Variants in SETD5 observed in about 807,000 individuals in gnomAD.
SETD5 encodes the protein SET domain containing 5.
Under a neutral mutation model 153.3 loss-of-function variants are expected in SETD5, and 44 were observed. The ratio of observed to expected loss-of-function variants is 0.29; its 90% confidence interval spans 0.23 to 0.37. The LOEUF is 0.37. Ranked by LOEUF, SETD5 falls within the 10% of genes least tolerant of loss-of-function variation. The pLI is 1.00. For synonymous variants in SETD5, 716 were observed against 645.2 expected, an observed-to-expected ratio of 1.11 and a Z score of -1.66; for missense variants, 1,544 against 1,768.0, an observed-to-expected ratio of 0.87 and a Z score of 2.27.
In SETD5 at chr3:9,447,930, G is replaced by C; in HGVS notation, c.2027G>C (p.Gly676Ala). 6.2e-7 allele frequency: 1 copy of C among 1,613,770 alleles called. No homozygotes were observed. The highest frequency in any genetic ancestry group is 8.5e-7 in the Non-Finnish European group (1 of 1,179,846). The part of the protein sequence containing the change: ...DSSGENRPLT[G>A]SDPTVVSITG... Reference sequence around the variant, plus strand: ...TCAGGAGAAAACAGGCCATTAACAGGGTCTGACCCAACTGTGGTGTCAATT... The same window carrying C: ...TCAGGAGAAAACAGGCCATTAACAGCGTCTGACCCAACTGTGGTGTCAATT... Residue 676 changes from glycine (G) to alanine (A), a missense_variant, in exon 15 of 23, where the codon GGG becomes GCG. Around this residue, in one of 9 missense-constraint regions of SETD5, gnomAD observed 782 missense variants for 787.2 expected, o/e 0.99. Coordinates refer to ENST00000402198, the MANE Select transcript of SETD5 (RefSeq NM_001080517.3).
At chr3:9,427,656 A>C (rs1040307785) in intron 2 of SETD5, among the ~76,000 whole-genome samples, 5 of 152,166 alleles carry the variant, frequency 3.3e-5, no homozygotes, top group African/African-American at 1.2e-4. Flanking sequence ...CTAATGTCTT[A>C]TTATGAATCA....
chr3:9,438,650 A>G (rs993906847), intron 7 of SETD5, among the ~76,000 whole-genome samples: 2 of 152,230 alleles, frequency 1.3e-5, no homozygotes, highest in Non-Finnish European at 2.9e-5. Flanking sequence ...ATTAGAAAAA[A>G]TTATCATTTG....
intron 13 of SETD5, among the ~76,000 whole-genome samples, chr3:9,446,247 A>G (rs1365116373): frequency 1.5e-5 from 2 of 135,796 alleles, no homozygotes; most frequent in African/African-American, 2.8e-5. Context: ...AGATAGCGCC[A>G]CTGCACTCCG....
chr3:9,472,403 G>A (rs1016697217), intron 19 of SETD5, among the ~76,000 whole-genome samples: 2 of 152,132 alleles, frequency 1.3e-5, no homozygotes, highest in African/African-American at 4.8e-5. Flanking sequence ...ACTAGGCAGG[G>A]CACGGATTAT....
In SETD5 at chr3:9,434,087, A is replaced by T. The variant is rs1168386333; in HGVS notation, c.177+137A>T. The T allele has an allele frequency of 2.5e-6, 4 of 1,576,920 alleles. No homozygotes were observed. Among genetic ancestry groups the T allele is most frequent in the African/African-American group, 1.3e-5 (1 of 74,148 alleles). ...TTTTGCACTTCCCTGACTCCAGCGG[A>T]CGTCTAGCCCTGCATCATTGTTCTT... is the stretch of plus-strand genomic sequence containing the variant. On this transcript the variant is annotated intron_variant, in intron 4 of 22. Transcript: ENST00000402198. This position sits in a 1 kb window ranked among gnomAD's most constrained non-coding sequence, Gnocchi z 5.6.
intron 17 of SETD5, among the ~76,000 whole-genome samples, chr3:9,456,446 C>T (rs1240711333): frequency 6.7e-6 from 1 of 148,360 alleles, no homozygotes; most frequent in African/African-American, 2.5e-5. Context: ...CCACTCCAGC[C>T]TGGGTGACGG....
chr3:9,454,622 C>CAAAAAAAAAAAAAA (rs67028533), intron 17 of SETD5, among the ~76,000 whole-genome samples: 51 of 58,032 alleles, frequency 8.8e-4, no homozygotes, highest in Non-Finnish European at 1.3e-3. Flanking sequence ...AACTCCGTCT[C>CAAAAAAAAAAAAAA]AAAAAAAAAA....
chr3:9,425,317 G>C (rs923437939), intron 2 of SETD5, among the ~76,000 whole-genome samples: 1 of 151,928 alleles, frequency 6.6e-6, no homozygotes, highest in African/African-American at 2.4e-5. Context: ...GCCCACCTCA[G>C]CCTCCCAAAG....
chr3:9,460,675 C>T (rs2043850849), intron 17 of SETD5, among the ~76,000 whole-genome samples: 2 of 152,032 alleles, frequency 1.3e-5, no homozygotes, highest in South Asian at 4.2e-4. Context: ...AAATATATTT[C>T]AAATTAATAG....
At chr3:9,454,601 G>A (rs531060844) in intron 17 of SETD5, among the ~76,000 whole-genome samples, 46 of 90,710 alleles carry the variant, frequency 5.1e-4, no homozygotes, top group African/African-American at 1.6e-3. Flanking sequence ...CAGCCTGGGC[G>A]ACAAGAATGA....
At chr3:9,428,431 A>C (rs2039575768) in intron 2 of SETD5, among the ~76,000 whole-genome samples, 1 of 152,188 alleles carries the variant, frequency 6.6e-6, no homozygotes, top group South Asian at 2.1e-4. Flanking sequence ...GAAGATCTTG[A>C]ATTTTTAAAG....
intron 1 of SETD5, among the ~76,000 whole-genome samples, chr3:9,406,607 CAAA>C (rs746999028): frequency 1.0e-5 from 1 of 99,242 alleles, no homozygotes; most frequent in Non-Finnish European, 2.0e-5. Context: ...GACTCTGTCT[CAAA>C]AAAAAAAAAA....
chr3:9,399,283 T>A (rs1362367265), intron 1 of SETD5, among the ~76,000 whole-genome samples: 1 of 152,204 alleles, frequency 6.6e-6, no homozygotes, highest in Non-Finnish European at 1.5e-5. Flanking sequence ...TTTGAAATTA[T>A]TTTTTGGTTG....
At chr3:9,399,752 G>C (rs2034439951) in intron 1 of SETD5, among the ~76,000 whole-genome samples, 1 of 151,420 alleles carries the variant, frequency 6.6e-6, no homozygotes, top group African/African-American at 2.4e-5. Context: ...AAAGGCCTTG[G>C]TTTAAAAGGG....
At chr3:9,443,585 A>AT (rs1331006315) in intron 11 of SETD5, among the ~76,000 whole-genome samples, 168 bp downstream of exon 11, 9 of 152,118 alleles carry the variant, frequency 5.9e-5, no homozygotes, top group Non-Finnish European at 1.5e-5. Context: ...GACAGGCAAG[A>AT]TTTTTTTTAG....
intron 8 of SETD5, 32 bp downstream of exon 8, chr3:9,440,730 T>C (rs777590010): frequency 9.8e-5 from 156 of 1,595,832 alleles, no homozygotes; most frequent in Non-Finnish European, 1.3e-4. Flanking sequence ...ACTCTCTAAG[T>C]AGCTGAAATT....
chr3:9,446,689 C>T (rs1404393466), intron 13 of SETD5, among the ~76,000 whole-genome samples: 1 of 152,024 alleles, frequency 6.6e-6, no homozygotes, highest in Non-Finnish European at 1.5e-5. Flanking sequence ...GACGGAGTTT[C>T]ACCATGTTGG....
intron 10 of SETD5, 26 bp downstream of exon 10, chr3:9,442,271 T>C: frequency 6.8e-7 from 1 of 1,476,870 alleles, no homozygotes; most frequent in Admixed American, 1.7e-5. Flanking sequence ...CAACTTCCCT[T>C]TGACTGGAAC....
chr3:9,427,334 G>A (rs1038851954), intron 2 of SETD5, among the ~76,000 whole-genome samples: 4 of 152,122 alleles, frequency 2.6e-5, no homozygotes, highest in Admixed American at 6.5e-5. Flanking sequence ...GTGGATCACC[G>A]GAGGTCAGGA....
Sources: allele counts gnomAD v4.1 joint callset (sites outside exome capture counted in the v4.1 genomes callset), GRCh38; gene constraint gnomAD v4.1.1; regional missense constraint gnomAD v4.1.1; non-coding constraint Gnocchi (gnomAD v3.1); transcripts MANE v1.5; gene names NCBI Gene and HGNC (gene_info 2026-07-23, HGNC 2026-07-21).